NKAIN3: variants seen among roughly 807,000 people sequenced by gnomAD.
NKAIN3 encodes sodium/potassium transporting ATPase interacting 3.
Under a neutral mutation model 30.2 loss-of-function variants are expected in NKAIN3, and 25 were observed. The ratio of observed to expected loss-of-function variants is 0.83; its 90% CI spans 0.60 to 1.16. NKAIN3 has a LOEUF of 1.16. NKAIN3 is among the 50% of genes most tolerant of loss of function. The pLI is 0.00. For synonymous variants in NKAIN3, 91 were observed against 89.6 expected (o/e 1.02, Z -0.09); for missense variants, 225 against 254.1 (o/e 0.89, Z 0.78).
At chr8:62,266,196 C>G (rs965867708) in intron 1 of NKAIN3, among the ~76,000 whole-genome samples, 1 of 152,074 alleles carries the variant, frequency 6.6e-6, no homozygotes, top group Admixed American at 6.6e-5. Flanking sequence ...AATGAAGGCT[C>G]AGAGGATTTT....
At chr8:62,748,427 GC>G in intron 4 of NKAIN3, among the ~76,000 whole-genome samples, 1 of 152,284 alleles carries the variant, frequency 6.6e-6, no homozygotes, top group East Asian at 1.9e-4. Context: ...CATTTGTCAA[GC>G]CTCTACGTGA....
At chr8:62,285,396 T>A (rs533936502) in intron 1 of NKAIN3, among the ~76,000 whole-genome samples, 18 of 152,306 alleles carry the variant, frequency 1.2e-4, no homozygotes, top group African/African-American at 4.1e-4. Flanking sequence ...TATCTCATTA[T>A]CAGGAGCTGT....
At chr8:62,616,014 G>C (rs1031356140) in intron 3 of NKAIN3, among the ~76,000 whole-genome samples, 2 of 152,136 alleles carry the variant, frequency 1.3e-5, no homozygotes, top group African/African-American at 4.8e-5. Context: ...TTGCTGAAGG[G>C]ATGATCGGTG....
intron 1 of NKAIN3, among the ~76,000 whole-genome samples, chr8:62,289,287 T>C (rs1395359774): frequency 6.6e-6 from 1 of 152,242 alleles, no homozygotes; most frequent in Non-Finnish European, 1.5e-5. Flanking sequence ...TTGCCTTTGC[T>C]TTTGGTGTTT....
chr8:62,933,232 A>AG (rs1442155675), intron 5 of NKAIN3, among the ~76,000 whole-genome samples: 1 of 152,184 alleles, frequency 6.6e-6, no homozygotes, highest in South Asian at 2.1e-4. Context: ...ATTTTCATGG[A>AG]GATTGTCCTA....
chr8:62,502,922 C>A (rs1342265848), intron 1 of NKAIN3, among the ~76,000 whole-genome samples: 1 of 152,296 alleles, frequency 6.6e-6, no homozygotes, highest in East Asian at 1.9e-4. Flanking sequence ...GCTTGAACTT[C>A]TTGTGCAGCT....
intron 1 of NKAIN3, among the ~76,000 whole-genome samples, chr8:62,519,894 A>T (rs1229964405): frequency 6.6e-6 from 1 of 152,150 alleles, no homozygotes; most frequent in South Asian, 2.1e-4. Flanking sequence ...CAGACTGGCC[A>T]GATCAGAGGC....
intron 1 of NKAIN3, among the ~76,000 whole-genome samples, chr8:62,451,796 A>G (rs568381223): frequency 1.6e-3 from 250 of 152,316 alleles, no homozygotes; most frequent in African/African-American, 4.3e-3. Flanking sequence ...TCAGATTTGT[A>G]TAATATTAAA....
At chr8:62,508,764 C>T (rs1431704392) in intron 1 of NKAIN3, among the ~76,000 whole-genome samples, 1 of 152,112 alleles carries the variant, frequency 6.6e-6, no homozygotes, top group Admixed American at 6.6e-5. Flanking sequence ...TTTAGCATGA[C>T]ATTTTTAATA....
intron 1 of NKAIN3, among the ~76,000 whole-genome samples, chr8:62,284,724 C>T (rs1487181231): frequency 1.3e-5 from 2 of 152,078 alleles, no homozygotes; most frequent in Non-Finnish European, 2.9e-5. Flanking sequence ...TAACAAAGCA[C>T]TCTGGGTAGA....
At chr8:62,787,367 A>C (rs1817555671) in intron 4 of NKAIN3, among the ~76,000 whole-genome samples, 1 of 152,162 alleles carries the variant, frequency 6.6e-6, no homozygotes, top group African/African-American at 2.4e-5. Context: ...CTATTAATAA[A>C]ACAAAGAAAA....
intron 1 of NKAIN3, among the ~76,000 whole-genome samples, chr8:62,422,269 T>C (rs1047242275): frequency 2.0e-5 from 3 of 152,108 alleles, no homozygotes; most frequent in African/African-American, 7.2e-5. Context: ...TATTTCTTAA[T>C]TTGATGCTGC....
intron 1 of NKAIN3, among the ~76,000 whole-genome samples, chr8:62,398,257 A>AGGCCATG (rs1320900059): frequency 6.6e-6 from 1 of 152,250 alleles, no homozygotes; most frequent in Admixed American, 6.5e-5. Context: ...CTTGTGCCGG[A>AGGCCATG]GGCCATGGTG....
chr8:62,747,129 T>C lies in NKAIN3; in HGVS notation c.471T>C (p.Ser157=). The change falls in exon 4 of 7, where the codon TCT becomes TCC. Residue 157 remains serine (S), a splice_region_variant and synonymous_variant. Transcript: ENST00000623646. ...VIHSAVQILL[S]LVGFVYACYV... ...ACAGTGCTGTCCAAATACTACTCTC[T>C]GTAAGTGTCACTTTTGTGTCATTAT... 1 of 1,581,104 alleles carries C rather than the reference T, an allele frequency of 6.3e-7. No individual in the cohort carries two copies. The highest frequency in any genetic ancestry group is 8.7e-7 in the Non-Finnish European group (1 of 1,151,492).
At chr8:62,568,338 G>T (rs1809820591) in intron 1 of NKAIN3, among the ~76,000 whole-genome samples, 1 of 152,152 alleles carries the variant, frequency 6.6e-6, no homozygotes, top group Non-Finnish European at 1.5e-5. Flanking sequence ...GATAGCATCA[G>T]ATTAGATTAA....
rs1193210952 is a variant in NKAIN3, at chr8:62,709,501, TG to T, written c.274-37430del. On this transcript the variant is annotated intron_variant, in intron 3 of 6. Transcript: ENST00000623646. ...CATCTCGTCTACGTTTTCTAGTTTA[TG>T]TGTGTAAAGGTGTTCATAGTAGCCT... is the stretch of plus-strand genomic sequence containing the variant. Among the ~76,000 whole-genome samples the T allele has an allele frequency of 2.0e-5, 3 of 152,196 alleles. No homozygotes were observed. In the South Asian group the frequency reaches 6.2e-4, roughly 31 times the overall value.
intron 1 of NKAIN3, among the ~76,000 whole-genome samples, chr8:62,480,921 T>C (rs1806699356): frequency 6.6e-6 from 1 of 151,948 alleles, no homozygotes; most frequent in Non-Finnish European, 1.5e-5. Context: ...TGAAAAGAGG[T>C]AGGAGAGGGC....
chr8:62,275,484 G>T (rs558831333), intron 1 of NKAIN3, among the ~76,000 whole-genome samples: 109 of 152,272 alleles, frequency 7.2e-4, no homozygotes, highest in African/African-American at 2.5e-3. Flanking sequence ...CCCACATTAT[G>T]AGCCTATTAA....
chr8:62,841,504 A>G (rs62510762), intron 4 of NKAIN3, among the ~76,000 whole-genome samples: 12,473 of 152,108 alleles, frequency 0.082, 568 homozygotes, highest in South Asian at 0.14. Context: ...GGCTCTGGTA[A>G]CCACCATTCC....
Sources: gnomAD v4.1 joint callset for allele counts (sites outside exome capture counted in the v4.1 genomes callset) on GRCh38, gnomAD v4.1.1 for gene constraint, MANE v1.5 for transcripts, NCBI Gene and HGNC (gene_info 2026-07-23, HGNC 2026-07-21) for gene names.